The following CDON variants were observed in gnomAD, a reference collection of about 807,000 sequenced individuals.
The protein encoded by CDON is cell adhesion associated, oncogene regulated, also known as cell adhesion molecule-related/down-regulated by oncogenes.
In CDON, 73 loss-of-function variants were observed where a neutral mutation model predicts 120.9. That is an observed-to-expected ratio of 0.60 (90% CI 0.50 to 0.73). CDON has a LOEUF of 0.73. Ranked by LOEUF, CDON falls within the 30% of genes least tolerant of loss-of-function variation. The probability of loss-of-function intolerance (pLI) is 0.00; values close to 1 mark genes in which losing one functional copy is unlikely to be tolerated. For missense variants in CDON, 1,470 were observed against 1,587.3 expected (o/e 0.93, Z 1.26); for synonymous variants, 566 against 573.5 (o/e 0.99, Z 0.19).
intron 1 of CDON, among the ~76,000 whole-genome samples, chr11:126,046,327 C>T (rs997659250): frequency 1.3e-5 from 2 of 152,120 alleles, no homozygotes; most frequent in African/African-American, 4.8e-5. Flanking sequence ...CACAGAGTAT[C>T]GTAAAGTCCA....
At chr11:125,973,128 A>C (rs78989845) in intron 18 of CDON, among the ~76,000 whole-genome samples, 11 of 146,364 alleles carry the variant, frequency 7.5e-5, no homozygotes, top group Admixed American at 7.1e-5. Flanking sequence ...CAACTATGCT[A>C]GTCTACTGTT....
At chr11:126,018,760 G>A (rs1192071714) in intron 4 of CDON, among the ~76,000 whole-genome samples, 1 of 152,118 alleles carries the variant, frequency 6.6e-6, no homozygotes, top group African/African-American at 2.4e-5. Flanking sequence ...GTAGAGATGG[G>A]GGTCTCACTA....
intron 7 of CDON, 130 bp downstream of exon 7, chr11:126,015,111 G>C (rs768949649): frequency 7.9e-6 from 7 of 884,750 alleles, no homozygotes; most frequent in African/African-American, 5.0e-5. Context: ...CAGGACCATG[G>C]AAAATGAACA....
intron 1 of CDON, among the ~76,000 whole-genome samples, chr11:126,045,582 C>T (rs1026941974): frequency 6.6e-6 from 1 of 151,962 alleles, no homozygotes; most frequent in African/African-American, 2.4e-5. Context: ...TAAGATGTTT[C>T]CATTTAGTTT....
At chr11:125,993,509 A>G (rs544510185) in intron 14 of CDON, among the ~76,000 whole-genome samples, 1 of 152,340 alleles carries the variant, frequency 6.6e-6, no homozygotes, top group Non-Finnish European at 1.5e-5. Flanking sequence ...CCTCTCATGC[A>G]AATGAGAGGA....
At position 126,034,170 on chromosome 11, in the gene CDON, C is replaced by T. The variant is rs1237541206; in HGVS notation, c.-61-10633G>A. Among the ~76,000 whole-genome samples the T allele has an allele frequency of 6.6e-6, 1 of 152,102 alleles. No individual in the cohort carries two copies. Among genetic ancestry groups the T allele is most frequent in the Admixed American group, 6.5e-5 (1 of 15,278 alleles). ...CACACCTACAGACTTCGCAACCCTTCCCCCACTTCTCCCAAGTCTCAGTCG... is the reference window on the plus strand; with the variant it reads ...CACACCTACAGACTTCGCAACCCTTTCCCCACTTCTCCCAAGTCTCAGTCG... On this transcript the variant is annotated intron_variant, in intron 1 of 19. Transcript: ENST00000531738. This position sits in a 1 kb window ranked among gnomAD's most constrained non-coding sequence, Gnocchi z 4.5.
At chr11:125,964,372 G>T (rs1945731374) in intron 18 of CDON, among the ~76,000 whole-genome samples, 1 of 152,204 alleles carries the variant, frequency 6.6e-6, no homozygotes, top group Non-Finnish European at 1.5e-5. Flanking sequence ...AGTGAAGCAG[G>T]AAGAGAGCAG....
chr11:125,973,637 C>T (rs752992382), intron 18 of CDON, among the ~76,000 whole-genome samples: 35 of 152,208 alleles, frequency 2.3e-4, no homozygotes, highest in African/African-American at 7.5e-4. Flanking sequence ...CTGACTCCTC[C>T]AGTTACTAGG....
intron 16 of CDON, among the ~76,000 whole-genome samples, chr11:125,983,508 G>A (rs1946373892): frequency 6.6e-6 from 1 of 152,138 alleles, no homozygotes; most frequent in Admixed American, 6.5e-5. Context: ...ATTCCCTGTT[G>A]ACAAGCTCTG....
At chr11:126,003,291 A>C (rs1947009562) in intron 10 of CDON, among the ~76,000 whole-genome samples, 3 of 152,206 alleles carry the variant, frequency 2.0e-5, no homozygotes, top group Admixed American at 6.5e-5. Flanking sequence ...ATTAAGTTAC[A>C]CATCTTAGCT....
At chr11:126,000,196 C>T (rs1381263606) in intron 11 of CDON, among the ~76,000 whole-genome samples, 4 of 148,264 alleles carry the variant, frequency 2.7e-5, no homozygotes. Flanking sequence ...TTTATATCAT[C>T]CACTATACTG....
At chr11:125,998,185 A>G (rs970175448) in intron 11 of CDON, among the ~76,000 whole-genome samples, 1 of 152,204 alleles carries the variant, frequency 6.6e-6, no homozygotes, top group African/African-American at 2.4e-5. Context: ...CATGAGGAGT[A>G]AGCTCATCAG....
At chr11:126,011,798 T>C (rs1947310768) in intron 7 of CDON, among the ~76,000 whole-genome samples, 1 of 152,262 alleles carries the variant, frequency 6.6e-6, no homozygotes, top group Non-Finnish European at 1.5e-5. Context: ...CATTCTTCAA[T>C]GTTTTCTTGA....
chr11:126,013,156 ACT>A (rs1471360603), intron 7 of CDON, among the ~76,000 whole-genome samples: 7 of 152,278 alleles, frequency 4.6e-5, no homozygotes, highest in African/African-American at 1.7e-4. Flanking sequence ...GGTGAATGAC[ACT>A]CTACATTTTC....
At chr11:126,057,602 C>T (rs1948710631) in intron 1 of CDON, among the ~76,000 whole-genome samples, 1 of 152,190 alleles carries the variant, frequency 6.6e-6, no homozygotes, top group Admixed American at 6.5e-5. Flanking sequence ...TGTTCTATAT[C>T]TCCATCTGGG....
chr11:126,005,769 T>G lies in CDON; in HGVS notation c.1841A>C (p.Lys614Thr). ...GGLPINAYFVKYRKLDDGVGM... is the reference protein window; with the variant it reads ...GGLPINAYFVTYRKLDDGVGM... The stretch of plus-strand genomic sequence containing the variant: ...ACGACAAGACATTACCTTTCGATAC[T>G]TCACAAAGTAAGCATTGATGGGCAG... Residue 614 changes from lysine (K) to threonine (T), a missense_variant, in exon 9 of 20, where the codon AAG (lysine) becomes ACG (threonine). By Grantham distance (78) the Lys-to-Thr change is moderately conservative. Coordinates refer to ENST00000531738, the MANE Select transcript of CDON (RefSeq NM_001378964.1). The G allele has an allele frequency of 6.2e-7, 1 of 1,613,546 alleles. No individual in the cohort carries two copies. The highest frequency in any genetic ancestry group is 8.5e-7 in the Non-Finnish European group (1 of 1,180,004).
At chr11:126,010,309 T>C (rs1947254875) in intron 8 of CDON, 32 bp downstream of exon 8, 2 of 1,386,314 alleles carry the variant, frequency 1.4e-6, no homozygotes, top group Non-Finnish European at 2.0e-6. Context: ...AGGAAATTAC[T>C]CAACTAAAAA....
intron 1 of CDON, among the ~76,000 whole-genome samples, chr11:126,040,818 A>C (rs1948240148): frequency 3.0e-5 from 2 of 66,942 alleles, no homozygotes; most frequent in African/African-American, 1.2e-4. Flanking sequence ...CCGTCTCAAA[A>C]AAAAAAAAAA....
intron 18 of CDON, among the ~76,000 whole-genome samples, chr11:125,975,499 A>G (rs1946126860): frequency 6.6e-6 from 1 of 152,210 alleles, no homozygotes; most frequent in South Asian, 2.1e-4. Context: ...GTTATCCACT[A>G]TATAAACTCA....
Sources: allele counts gnomAD v4.1 joint callset (sites outside exome capture counted in the v4.1 genomes callset), GRCh38; gene constraint gnomAD v4.1.1; non-coding constraint Gnocchi (gnomAD v3.1); transcripts MANE v1.5; gene names NCBI Gene and HGNC (gene_info 2026-07-23, HGNC 2026-07-21).